CENPP: variants seen among roughly 807,000 people sequenced by gnomAD.
The protein encoded by CENPP is centromere protein P.
In CENPP, 24 loss-of-function variants were observed where a neutral mutation model predicts 35.6. The observed-to-expected ratio is 0.67, with a 90% CI of 0.49 to 0.95. The LOEUF is 0.95. CENPP is among the 40% of genes least tolerant of loss of function. The probability of loss-of-function intolerance (pLI) is 0.00; values close to 1 mark genes in which losing one functional copy is unlikely to be tolerated. For synonymous variants in CENPP, 120 were observed against 125.5 expected (o/e 0.96, Z 0.29); for missense variants, 332 against 345.3 (o/e 0.96, Z 0.31).
At chr9:92,363,682 G>T (rs1247233023) in intron 4 of CENPP, among the ~76,000 whole-genome samples, 1 of 152,056 alleles carries the variant, frequency 6.6e-6, no homozygotes, top group Non-Finnish European at 1.5e-5. Context: ...AAGGCCTCCA[G>T]TTCTACTCTA....
chr9:92,573,946 A>G (rs1488299839), intron 5 of CENPP, among the ~76,000 whole-genome samples: 1 of 152,150 alleles, frequency 6.6e-6, no homozygotes, highest in Non-Finnish European at 1.5e-5. Context: ...AGACCGTTGG[A>G]AAAGCATAGT....
chr9:92,409,813 TG>T (rs1001560128), intron 5 of CENPP, among the ~76,000 whole-genome samples: 8 of 152,332 alleles, frequency 5.3e-5, no homozygotes, highest in Middle Eastern at 3.4e-3. Context: ...TCAAATTAAC[TG>T]GTTTAGTCTG....
chr9:92,553,887 C>T (rs571477395), intron 5 of CENPP, among the ~76,000 whole-genome samples: 4 of 152,258 alleles, frequency 2.6e-5, no homozygotes, highest in Non-Finnish European at 2.9e-5. Context: ...TTTCTCTTTA[C>T]TGATTTGGAT....
At chr9:92,532,034 A>ATTTTTTTTTTTTTTTTTTTTTTTTTTTTT (rs58499748) in intron 5 of CENPP, among the ~76,000 whole-genome samples, 1 of 98,248 alleles carries the variant, frequency 1.0e-5, no homozygotes. Flanking sequence ...TTTTTATTTT[A>ATTTTTTTTTTTTTTTTTTTTTTTTTTTTT]TTTTTTTTTT....
At chr9:92,339,926 C>T (rs1484446083) in intron 3 of CENPP, 2 of 153,758 alleles carry the variant, frequency 1.3e-5, no homozygotes, top group Non-Finnish European at 2.9e-5. Flanking sequence ...CTGATGTGAA[C>T]TTGACCTGAG....
rs1554688236 is a variant in CENPP at position 92,567,373 on chromosome 9, G to GATATATAGATATAT, written c.565-43934_565-43933insGATATATATATATA. On this transcript the variant is annotated intron_variant, in intron 5 of 7. Coordinates refer to ENST00000375587, the MANE Select transcript of CENPP (RefSeq NM_001012267.3). ...ATGGGGTATACAGTTACATAAGATA[G>GATATATAGATATAT]ATATATATATATATATATATATAGA... 3.7e-3 allele frequency among the ~76,000 whole-genome samples: 475 copies of GATATATAGATATAT among 129,056 alleles called. 8 individuals are homozygous for GATATATAGATATAT. Among genetic ancestry groups the GATATATAGATATAT allele is most frequent in the East Asian group, 0.033 (131 of 3,920 alleles). 84.7% of individuals were successfully genotyped at this position (129,056 alleles called of 152,430 possible). A position where few individuals can be genotyped will look rare whatever the true frequency, so the allele number is the denominator to read the frequency against.
At chr9:92,395,265 G>A (rs1159250429) in intron 5 of CENPP, among the ~76,000 whole-genome samples, 2 of 152,044 alleles carry the variant, frequency 1.3e-5, no homozygotes, top group East Asian at 3.8e-4. Flanking sequence ...TTGCATTTAG[G>A]AGAATTTTAT....
In CENPP at chr9:92,439,037, G is replaced by T. The variant is rs576693590; in HGVS notation, c.564+59178G>T. Reference sequence around the variant, plus strand: ...AGTAAATGCTTGGTGCTGTTCTTTTGTTCTTATTAAGATTTTCCAGTATGG... The same window carrying T: ...AGTAAATGCTTGGTGCTGTTCTTTTTTTCTTATTAAGATTTTCCAGTATGG... On this transcript the variant is annotated intron_variant, in intron 5 of 7. Transcript: ENST00000375587. Among the ~76,000 whole-genome samples the T allele has an allele frequency of 5.0e-4, 76 of 152,212 alleles. No homozygotes were observed. In the South Asian group the frequency reaches 0.015, roughly 30 times the overall value.
rs902113525 is a variant in CENPP at position 92,577,180 on chromosome 9, T to G, written c.565-34134T>G. 3.9e-5 allele frequency among the ~76,000 whole-genome samples: 6 copies of G among 152,248 alleles called. No individual in the cohort carries two copies. In the East Asian group the frequency reaches 9.6e-4, roughly 24 times the overall value. On this transcript the variant is annotated intron_variant, in intron 5 of 7. Coordinates refer to ENST00000375587, the MANE Select transcript of CENPP (RefSeq NM_001012267.3). ...TCACATATCCCTAGGTGTGTGTGTA[T>G]ATATATATCCAAAGAAACATGTGCA...
intron 5 of CENPP, among the ~76,000 whole-genome samples, chr9:92,467,146 TC>T (rs1845345175): frequency 6.6e-6 from 1 of 152,158 alleles, no homozygotes; most frequent in African/African-American, 2.4e-5. Flanking sequence ...CAATCTCTTA[TC>T]AGTTTTTTGG....
intron 5 of CENPP, among the ~76,000 whole-genome samples, chr9:92,532,015 G>GTTTTGTTTT (rs1848797660): frequency 2.1e-5 from 2 of 95,736 alleles, no homozygotes; most frequent in African/African-American, 1.2e-4. Context: ...TTTATTTAAT[G>GTTTTGTTTT]TTTTTTTTTT....
At chr9:92,480,931 T>A (rs1260461015) in intron 5 of CENPP, among the ~76,000 whole-genome samples, 1 of 152,240 alleles carries the variant, frequency 6.6e-6, no homozygotes, top group Non-Finnish European at 1.5e-5. Flanking sequence ...CATTTGTTCA[T>A]GGATACTGAT....
At chr9:92,481,849 T>C (rs1303631643) in intron 5 of CENPP, among the ~76,000 whole-genome samples, 1 of 152,138 alleles carries the variant, frequency 6.6e-6, no homozygotes, top group African/African-American at 2.4e-5. Context: ...TTCACACATT[T>C]TAAATACACA....
chr9:92,401,146 G>A (rs1477067363), intron 5 of CENPP: 3 of 1,559,168 alleles, frequency 1.9e-6, no homozygotes, highest in Admixed American at 3.4e-5. Context: ...TTTTGTAATT[G>A]AAGACTTTTC....
intron 5 of CENPP, among the ~76,000 whole-genome samples, chr9:92,449,329 T>C (rs1015356752): frequency 2.6e-5 from 4 of 151,170 alleles, no homozygotes; most frequent in Non-Finnish European, 4.4e-5. Flanking sequence ...TAGTCCCAGC[T>C]ACTCAGGAGG....
rs993873637 is a variant in CENPP at position 92,358,266 on chromosome 9, G to C, written c.467+12479G>C. ...TACATTCTTTTTTTTTCTTTTTAAT[G>C]GAGTTTCCCTCTGTCACCCAGGCTA... On this transcript the variant is annotated intron_variant, in intron 4 of 7. Transcript: ENST00000375587. Among the ~76,000 whole-genome samples the C allele has an allele frequency of 2.0e-5, 3 of 148,732 alleles. No homozygotes were observed. The South Asian group carries it at 6.4e-4, about 32-fold the overall frequency.
chr9:92,465,126 A>G (rs1845257033), intron 5 of CENPP: 2 of 828,930 alleles, frequency 2.4e-6, no homozygotes, highest in Admixed American at 2.2e-5. Context: ...ATATCCCAAG[A>G]AGCGTGAGCT....
At chr9:92,541,704 C>A (rs923492764) in intron 5 of CENPP, among the ~76,000 whole-genome samples, 2 of 151,930 alleles carry the variant, frequency 1.3e-5, no homozygotes, top group South Asian at 4.2e-4. Flanking sequence ...CGCTGATGGA[C>A]ACTTAGGTTG....
intron 5 of CENPP, among the ~76,000 whole-genome samples, chr9:92,530,863 C>A (rs1296152345): frequency 6.6e-6 from 1 of 152,138 alleles, no homozygotes; most frequent in Non-Finnish European, 1.5e-5. Flanking sequence ...GCCTTCTTCC[C>A]ATGTCTATTG....
Sources: allele counts gnomAD v4.1 joint callset (sites outside exome capture counted in the v4.1 genomes callset), GRCh38; gene constraint gnomAD v4.1.1; transcripts MANE v1.5; gene names NCBI Gene and HGNC (gene_info 2026-07-23, HGNC 2026-07-21).